AP2B1: variants seen among roughly 807,000 people sequenced by gnomAD.
The protein encoded by AP2B1 is adaptor related protein complex 2 subunit beta 1.
A neutral mutation model predicts 102.0 loss-of-function variants in AP2B1; 23 were observed. The ratio of observed to expected loss-of-function variants is 0.23; its 90% CI spans 0.16 to 0.32. AP2B1 has a LOEUF of 0.32. Among genes scored for constraint, AP2B1 ranks in the 10% least tolerant of loss-of-function variants. The probability of loss-of-function intolerance (pLI) is 1.00; values close to 1 mark genes in which losing one functional copy is unlikely to be tolerated. For synonymous variants in AP2B1, 381 were observed against 421.2 expected (o/e 0.90, Z 1.17); for missense variants, 541 against 1,157.4 (o/e 0.47, Z 7.73).
chr17:35,637,947 A>G (rs1014127212), intron 10 of AP2B1, among the ~76,000 whole-genome samples: 5 of 151,952 alleles, frequency 3.3e-5, no homozygotes, highest in African/African-American at 9.7e-5. Context: ...CGCCCTCCCA[A>G]AGTGCTAGGA....
intron 21 of AP2B1, among the ~76,000 whole-genome samples, chr17:35,718,521 A>C (rs2085252980): frequency 6.6e-6 from 1 of 152,130 alleles, no homozygotes; most frequent in South Asian, 2.1e-4. Flanking sequence ...GTTTCCCAAG[A>C]AAGGAAAACC....
intron 12 of AP2B1, among the ~76,000 whole-genome samples, chr17:35,644,468 C>T (rs965102698): frequency 6.6e-6 from 1 of 152,058 alleles, no homozygotes; most frequent in African/African-American, 2.4e-5. Context: ...ACCTCCACCT[C>T]CCGGGTTCAA....
At chr17:35,612,647 C>A (rs2073896468) in intron 5 of AP2B1, among the ~76,000 whole-genome samples, 1 of 152,082 alleles carries the variant, frequency 6.6e-6, no homozygotes, top group Non-Finnish European at 1.5e-5. Context: ...TGTTACAGGT[C>A]AAGAAATGTT....
rs1351413131 is a variant in AP2B1, at chr17:35,674,965, CTAGG to C, written c.2324+647_2324+650del. ...TAACATTAGCATGAGCCAGACATTT[CTAGG>C]TACTGGGGCTAGAGTAGTGAACCAA... On this transcript the variant is annotated intron_variant, in intron 17 of 21. Coordinates refer to ENST00000610402, the MANE Select transcript of AP2B1 (RefSeq NM_001030006.2). Among the ~76,000 whole-genome samples the C allele has an allele frequency of 2.0e-5, 3 of 152,308 alleles. No individual in the cohort carries two copies. The South Asian group carries it at 6.2e-4, about 32-fold the overall frequency.
chr17:35,670,456 C>T (rs746602744), intron 14 of AP2B1, among the ~76,000 whole-genome samples: 14 of 151,834 alleles, frequency 9.2e-5, no homozygotes, highest in Admixed American at 3.9e-4. Flanking sequence ...CCTTTCCGTC[C>T]GCCCCCCACT....
intron 5 of AP2B1, among the ~76,000 whole-genome samples, chr17:35,618,433 T>C (rs532904852): frequency 6.6e-6 from 1 of 152,224 alleles, no homozygotes; most frequent in African/African-American, 2.4e-5. Flanking sequence ...TAATTGTAAA[T>C]TGAGCAGAAA....
intron 14 of AP2B1, among the ~76,000 whole-genome samples, chr17:35,662,159 TTC>T (rs968321886): frequency 6.6e-6 from 1 of 152,194 alleles, no homozygotes; most frequent in African/African-American, 2.4e-5. Flanking sequence ...AGGTGATTGA[TTC>T]TTGTATGCTT....
chr17:35,677,148 C>A (rs1356626452), intron 17 of AP2B1, among the ~76,000 whole-genome samples: 2 of 152,158 alleles, frequency 1.3e-5, no homozygotes, highest in South Asian at 4.1e-4. Flanking sequence ...TACCACCACA[C>A]CCAGCTAATT....
intron 18 of AP2B1, among the ~76,000 whole-genome samples, chr17:35,692,460 G>A (rs1302411616): frequency 1.3e-5 from 2 of 152,124 alleles, no homozygotes; most frequent in African/African-American, 4.8e-5. Context: ...AGCTTGTAGT[G>A]CAGTAGAGGA....
At chr17:35,672,371 T>G (rs971453398) in intron 16 of AP2B1, among the ~76,000 whole-genome samples, 4 of 152,224 alleles carry the variant, frequency 2.6e-5, no homozygotes, top group Non-Finnish European at 5.9e-5. Context: ...TCACTGGGGC[T>G]CTTCTTGTCT....
At chr17:35,615,388 A>T (rs191607119) in intron 5 of AP2B1, among the ~76,000 whole-genome samples, 50 of 152,366 alleles carry the variant, frequency 3.3e-4, no homozygotes, top group African/African-American at 1.2e-3. Context: ...GTGGCCTAAC[A>T]TTATGCACCT....
chr17:35,600,803 T>C (rs2073452644), intron 3 of AP2B1: 1 of 153,232 alleles, frequency 6.5e-6, no homozygotes, highest in Admixed American at 6.6e-5. Context: ...AAAAACTCTT[T>C]GGGATGTCAG....
intron 18 of AP2B1, among the ~76,000 whole-genome samples, chr17:35,697,622 T>G (rs1280717879): frequency 1.3e-5 from 2 of 152,174 alleles, no homozygotes; most frequent in Non-Finnish European, 2.9e-5. Context: ...GAACCCTGTC[T>G]TTTTCCTAAT....
At chr17:35,711,843 CT>C (rs2076459340) in intron 20 of AP2B1, among the ~76,000 whole-genome samples, 1 of 152,124 alleles carries the variant, frequency 6.6e-6, no homozygotes, top group Non-Finnish European at 1.5e-5. Context: ...TCTTATAGGG[CT>C]TTTGAAATCC....
intron 5 of AP2B1, among the ~76,000 whole-genome samples, chr17:35,623,868 A>G (rs974400376): frequency 2.0e-5 from 3 of 152,200 alleles, no homozygotes; most frequent in African/African-American, 7.2e-5. Flanking sequence ...ACTGAACTTC[A>G]CAGAGATTAC....
chr17:35,710,306 G>T lies in AP2B1; in HGVS notation c.2612G>T (p.Cys871Phe). The change falls in exon 20 of 22, where the codon TGT (cysteine) becomes TTT (phenylalanine). Residue 871 changes from cysteine (C) to phenylalanine (F), a missense_variant. Coordinates refer to ENST00000610402, the MANE Select transcript of AP2B1 (RefSeq NM_001030006.2). ...ENELQFQIKECHLNADTVSSK... is the reference protein window; with the variant it reads ...ENELQFQIKEFHLNADTVSSK... Reference sequence around the variant, plus strand: ...GAACTTCAGTTTCAGATTAAGGAATGTCATTTAAATGCTGGTGAGTAATAT... The same window carrying T: ...GAACTTCAGTTTCAGATTAAGGAATTTCATTTAAATGCTGGTGAGTAATAT... The T allele has an allele frequency of 6.2e-7, 1 of 1,608,492 alleles. No individual in the cohort carries two copies. Among genetic ancestry groups the T allele is most frequent in the Non-Finnish European group, 8.5e-7 (1 of 1,175,064 alleles).
intron 17 of AP2B1, among the ~76,000 whole-genome samples, chr17:35,676,828 GC>G (rs2075713087): frequency 6.6e-6 from 1 of 151,884 alleles, no homozygotes; most frequent in Admixed American, 6.6e-5. Flanking sequence ...TCAAATCTTT[GC>G]CTTTTGTTGT....
intron 5 of AP2B1, among the ~76,000 whole-genome samples, chr17:35,623,933 CACTCTAAG>C (rs1378553038): frequency 1.3e-5 from 2 of 152,166 alleles, no homozygotes; most frequent in African/African-American, 4.8e-5. Flanking sequence ...CACATATTCT[CACTCTAAG>C]ACTTGTAGTA....
At chr17:35,713,243 A>G (rs2076486939) in intron 20 of AP2B1, among the ~76,000 whole-genome samples, 1 of 152,206 alleles carries the variant, frequency 6.6e-6, no homozygotes, top group African/African-American at 2.4e-5. Context: ...AGGTGCTCCA[A>G]ATACCAATGA....
Sources: allele counts gnomAD v4.1 joint callset (sites outside exome capture counted in the v4.1 genomes callset), GRCh38; gene constraint gnomAD v4.1.1; transcripts MANE v1.5; gene names NCBI Gene and HGNC (gene_info 2026-07-23, HGNC 2026-07-21).